The following NRCAM variants were observed in gnomAD, a reference collection of about 807,000 sequenced individuals.
The protein encoded by NRCAM is NgCAM-related cell adhesion molecule.
NRCAM carries 83 observed loss-of-function variants against 156.5 expected under a neutral mutation model. The observed-to-expected ratio is 0.53, with a 90% CI of 0.44 to 0.64. The LOEUF is 0.64. Among genes scored for constraint, NRCAM ranks in the 30% least tolerant of loss-of-function variants. The pLI is 0.00. For missense variants in NRCAM, 1,417 were observed against 1,597.3 expected (o/e 0.89, Z 1.92); for synonymous variants, 538 against 563.9 (o/e 0.95, Z 0.65).
chr7:108,282,122 C>T (rs1323884073), intron 3 of NRCAM, among the ~76,000 whole-genome samples: 1 of 152,114 alleles, frequency 6.6e-6, no homozygotes, highest in Admixed American at 6.5e-5. Context: ...AAAGAGTACA[C>T]AAACTTAGTA....
intron 1 of NRCAM, among the ~76,000 whole-genome samples, chr7:108,410,223 G>A (rs953928250): frequency 2.0e-5 from 3 of 152,168 alleles, no homozygotes; most frequent in Non-Finnish European, 4.4e-5. Flanking sequence ...AATAGCCCTT[G>A]ATTAAATTTG....
Position 108,198,013 on chromosome 7 carries a change from A to T in NRCAM, c.1294T>A (p.Cys432Ser). ...VQERSSAVYQ[C>S]NASNEYGYLL... ...TATCCATATTCATTAGAGGCATTGC[A>T]CTGATAGACTGCACTTGATCTTTCT... The change falls in exon 14 of 33, where the codon TGC becomes AGC. Residue 432 changes from cysteine to serine, a missense_variant. Coordinates refer to ENST00000379028, the MANE Select transcript of NRCAM (RefSeq NM_001037132.4). 1 of 1,594,886 alleles carries T rather than the reference A, an allele frequency of 6.3e-7. No individual in the cohort carries two copies. Among genetic ancestry groups the T allele is most frequent in the Non-Finnish European group, 8.5e-7 (1 of 1,170,132 alleles).
chr7:108,201,107 C>CA (rs1398558929), intron 13 of NRCAM, among the ~76,000 whole-genome samples: 1 of 145,460 alleles, frequency 6.9e-6, no homozygotes, highest in East Asian at 2.0e-4. Flanking sequence ...ACCTGTTGCC[C>CA]AAAAATCTAT....
chr7:108,396,633 A>C (rs1277875204), intron 2 of NRCAM, among the ~76,000 whole-genome samples: 1 of 152,264 alleles, frequency 6.6e-6, no homozygotes, highest in Admixed American at 6.5e-5. Flanking sequence ...TGATGGATAT[A>C]CCCAATTAAT....
chr7:108,164,821 A>T (rs2052771284), intron 30 of NRCAM, among the ~76,000 whole-genome samples: 1 of 152,154 alleles, frequency 6.6e-6, no homozygotes, highest in African/African-American at 2.4e-5. Flanking sequence ...ACTGGTTGTG[A>T]CCTTGTCCTG....
At chr7:108,235,626 T>C (rs2094881974) in intron 5 of NRCAM, among the ~76,000 whole-genome samples, 1 of 152,184 alleles carries the variant, frequency 6.6e-6, no homozygotes, top group Admixed American at 6.5e-5. Flanking sequence ...CATGGAGAGC[T>C]GTTTACACAG....
chr7:108,272,767 T>C (rs2097414608), intron 3 of NRCAM, among the ~76,000 whole-genome samples: 2 of 152,112 alleles, frequency 1.3e-5, no homozygotes, highest in African/African-American at 4.8e-5. Context: ...TTTATTATTA[T>C]TATACTTTAA....
intron 1 of NRCAM, among the ~76,000 whole-genome samples, chr7:108,420,410 G>A (rs528597622): frequency 3.4e-4 from 51 of 152,216 alleles, no homozygotes; most frequent in Non-Finnish European, 4.4e-4. Context: ...AAATGGAAAC[G>A]TCTTACCAAT....
intron 28 of NRCAM, among the ~76,000 whole-genome samples, chr7:108,173,426 A>G (rs932205456): frequency 3.3e-5 from 5 of 152,210 alleles, no homozygotes; most frequent in African/African-American, 9.7e-5. Flanking sequence ...GGAGAACTTC[A>G]ATTTTTCTCC....
At chr7:108,218,882 C>A (rs535791038) in intron 11 of NRCAM, among the ~76,000 whole-genome samples, 16 of 152,128 alleles carry the variant, frequency 1.1e-4, no homozygotes, top group Middle Eastern at 3.4e-3. Context: ...GAAATTGAAA[C>A]AAACAACAAA....
chr7:108,156,208 T>G (rs1211901958), intron 32 of NRCAM: 2 of 701,484 alleles, frequency 2.9e-6, no homozygotes, highest in African/African-American at 1.9e-5. Context: ...TCAAGCCTTA[T>G]GAGCATGGGT....
chr7:108,294,193 G>GTTTTT (rs56717039), intron 3 of NRCAM, among the ~76,000 whole-genome samples: 6 of 87,958 alleles, frequency 6.8e-5, no homozygotes, highest in East Asian at 4.4e-4. Context: ...TTCTTTACTG[G>GTTTTT]TTTTTTTTTT....
chr7:108,265,486 A>T (rs2097067511), intron 3 of NRCAM, among the ~76,000 whole-genome samples: 1 of 152,162 alleles, frequency 6.6e-6, no homozygotes, highest in South Asian at 2.1e-4. Context: ...TCTCCTGGGA[A>T]CCAGTTTCAC....
intron 13 of NRCAM, among the ~76,000 whole-genome samples, chr7:108,201,294 C>T (rs534094147): frequency 3.9e-5 from 6 of 152,040 alleles, no homozygotes; most frequent in Non-Finnish European, 8.8e-5. Flanking sequence ...CTGACCGCAT[C>T]TCTGTGGATG....
intron 1 of NRCAM, among the ~76,000 whole-genome samples, chr7:108,440,428 GA>G (rs1371805779): frequency 1.3e-5 from 2 of 151,732 alleles, no homozygotes; most frequent in Admixed American, 1.3e-4. Context: ...TGATCCAACA[GA>G]AAAAAAGTTT....
intron 2 of NRCAM, among the ~76,000 whole-genome samples, chr7:108,369,542 T>G (rs2099615409): frequency 6.6e-6 from 1 of 152,148 alleles, no homozygotes; most frequent in Admixed American, 6.6e-5. Flanking sequence ...AAATATATAT[T>G]GTTCCCAAGT....
chr7:108,299,114 A>AAAAAGAAAGAAAG, intron 3 of NRCAM, among the ~76,000 whole-genome samples: 1 of 25,528 alleles, frequency 3.9e-5, no homozygotes, highest in Non-Finnish European at 8.0e-5. Context: ...TCAAAAAAAA[A>AAAAAGAAAGAAAG]AAAGAAAGAA....
intron 11 of NRCAM, among the ~76,000 whole-genome samples, chr7:108,211,502 G>A (rs2084393332): frequency 6.6e-6 from 1 of 152,220 alleles, no homozygotes. Context: ...CTCAAGCCCC[G>A]CTCACCCACT....
intron 2 of NRCAM, among the ~76,000 whole-genome samples, chr7:108,324,445 T>G (rs1331917583): frequency 6.6e-6 from 1 of 152,198 alleles, no homozygotes; most frequent in Non-Finnish European, 1.5e-5. Flanking sequence ...CAGATAAGCA[T>G]TTGAACCCTG....
Sources: allele counts gnomAD v4.1 joint callset (sites outside exome capture counted in the v4.1 genomes callset), GRCh38; gene constraint gnomAD v4.1.1; transcripts MANE v1.5; gene names NCBI Gene and HGNC (gene_info 2026-07-23, HGNC 2026-07-21).